PIK3R6: variants seen among roughly 807,000 people sequenced by gnomAD.
PIK3R6 encodes phosphoinositide-3-kinase regulatory subunit 6, also known as phosphoinositide 3-kinase regulatory subunit 6.
A neutral mutation model predicts 84.9 loss-of-function variants in PIK3R6; 91 were observed. That is an observed-to-expected ratio of 1.07 (90% CI 0.90 to 1.28). PIK3R6 has a LOEUF of 1.28. Ranked by LOEUF, PIK3R6 falls within the 50% of genes most tolerant of loss-of-function variation. The pLI, the probability that PIK3R6 is intolerant of heterozygous loss-of-function variation, is 0.00. For synonymous variants in PIK3R6, 416 were observed against 411.4 expected, an observed-to-expected ratio of 1.01 and a Z score of -0.13; for missense variants, 996 against 985.1, an observed-to-expected ratio of 1.01 and a Z score of -0.15.
At chr17:8,831,587 G>A (rs922552833) in intron 9 of PIK3R6, among the ~76,000 whole-genome samples, 3 of 152,088 alleles carry the variant, frequency 2.0e-5, no homozygotes, top group Admixed American at 6.6e-5. Flanking sequence ...GGACAACTTC[G>A]AAGATGGAGT....
chr17:8,822,120 G>A (rs1460360252), intron 16 of PIK3R6, among the ~76,000 whole-genome samples, 184 bp from the exon 17 acceptor site: 1 of 150,576 alleles, frequency 6.6e-6, no homozygotes, highest in Non-Finnish European at 1.5e-5. Flanking sequence ...GAACTCCTGG[G>A]CTCAAGTGAT....
In PIK3R6 at chr17:8,839,807, G is replaced by C; in HGVS notation, c.14-110C>G. 1 of 879,682 alleles carries C rather than the reference G, an allele frequency of 1.1e-6. No individual in the cohort carries two copies. Among genetic ancestry groups the C allele is most frequent in the Non-Finnish European group, 1.7e-6 (1 of 586,614 alleles). The allele number at this position is 879,682 out of a possible 1,614,324, so 54.5% of individuals were successfully genotyped here. A position where few individuals can be genotyped will look rare whatever the true frequency, so the allele number is the denominator to read the frequency against. ...GCCATTTCTCTGAGCCTCAGGAGGT[G>C]CCCGAAGTAATCGACTTAGAGCTGG... On this transcript the variant is annotated intron_variant, in intron 2 of 19. Coordinates refer to ENST00000619866, the MANE Select transcript of PIK3R6 (RefSeq NM_001010855.4). The surrounding 1 kb of genome is among the most constrained non-coding windows in gnomAD (Gnocchi z 4.2).
chr17:8,828,710 G>A lies in PIK3R6; in HGVS notation c.1170C>T (p.Pro390=). 1 of 1,610,328 alleles carries A rather than the reference G, an allele frequency of 6.2e-7. No homozygotes were observed. The highest frequency in any genetic ancestry group is 1.3e-5 in the African/African-American group (1 of 74,990). Reference sequence around the variant, plus strand: ...GGCCTGTCCTCCGGTGCAGCCCTGGGGGCCCGTCCCAGCTGCCAGGCATCA... The same window carrying A: ...GGCCTGTCCTCCGGTGCAGCCCTGGAGGCCCGTCCCAGCTGCCAGGCATCA... ...DFLMPGSWDG[P]PGLHRRTGRP... Residue 390 remains proline (P), a synonymous_variant, in exon 11 of 20, where the codon CCC becomes CCT. Coordinates refer to ENST00000619866, the MANE Select transcript of PIK3R6 (RefSeq NM_001010855.4).
chr17:8,828,542 C>T, intron 11 of PIK3R6, 25 bp downstream of exon 11: 13 of 1,606,624 alleles, frequency 8.1e-6, no homozygotes, highest in Non-Finnish European at 1.1e-5. Context: ...AGCGCCCACC[C>T]CCAGCCCCCA....
intron 18 of PIK3R6, among the ~76,000 whole-genome samples, chr17:8,813,016 AAGAG>A (rs568432754): frequency 2.0e-5 from 3 of 152,222 alleles, no homozygotes; most frequent in Non-Finnish European, 2.9e-5. Context: ...CCAAGAAAAA[AAGAG>A]AGAAGAATCA....
intron 18 of PIK3R6, among the ~76,000 whole-genome samples, chr17:8,814,770 A>G (rs934268485): frequency 6.6e-6 from 1 of 151,626 alleles, no homozygotes; most frequent in East Asian, 1.9e-4. Flanking sequence ...ATTGTATTAG[A>G]AAATATCTGA....
chr17:8,809,025 T>G (rs1370546272), intron 18 of PIK3R6, among the ~76,000 whole-genome samples: 1 of 152,138 alleles, frequency 6.6e-6, no homozygotes, highest in Admixed American at 6.5e-5. Context: ...ATTGGAGTAT[T>G]AACATATAAA....
At chr17:8,840,288 C>T (rs1296899148) in intron 2 of PIK3R6, among the ~76,000 whole-genome samples, 51 of 136,316 alleles carry the variant, frequency 3.7e-4, no homozygotes, top group African/African-American at 1.3e-3. Flanking sequence ...GAAATATATA[C>T]AGCCTACAAA....
rs2087107674 is a variant in PIK3R6, at chr17:8,803,584, A to G, written c.2109-155T>C. Reference sequence around the variant, plus strand: ...AGAAGAAAGAGGAAGAGTCAGGACAAGAAAGAAAAACCTGGGCCTGGGGTT... The same window carrying G: ...AGAAGAAAGAGGAAGAGTCAGGACAGGAAAGAAAAACCTGGGCCTGGGGTT... On this transcript the variant is annotated intron_variant, in intron 19 of 19. Coordinates refer to ENST00000619866, the MANE Select transcript of PIK3R6 (RefSeq NM_001010855.4). This position sits in a 1 kb window ranked among gnomAD's most constrained non-coding sequence, Gnocchi z 5.0. The G allele has an allele frequency of 5.2e-6, 4 of 766,946 alleles. No homozygotes were observed. In the Admixed American group the frequency reaches 9.9e-5, roughly 19 times the overall value. 47.5% of individuals were successfully genotyped at this position (766,946 alleles called of 1,614,324 possible). A position where few individuals can be genotyped will look rare whatever the true frequency, so the allele number is the denominator to read the frequency against.
intron 17 of PIK3R6, among the ~76,000 whole-genome samples, chr17:8,820,318 G>A (rs2087693922): frequency 6.6e-6 from 1 of 151,876 alleles, no homozygotes; most frequent in South Asian, 2.1e-4. Flanking sequence ...GGGAGAGTCT[G>A]TGAGAGAAAT....
chr17:8,803,634 C>T lies in PIK3R6; in HGVS notation c.2109-205G>A. The stretch of plus-strand genomic sequence containing the variant: ...TCACCGGGAGAGGAGACACTTGGAG[C>T]AAGTAACTCTGCGCATGCCTCCCTT... On this transcript the variant is annotated intron_variant, in intron 19 of 19. Coordinates refer to ENST00000619866, the MANE Select transcript of PIK3R6 (RefSeq NM_001010855.4). This position sits in a 1 kb window ranked among gnomAD's most constrained non-coding sequence, Gnocchi z 5.0. 3.5e-6 allele frequency: 2 copies of T among 579,356 alleles called. No individual in the cohort carries two copies. The highest frequency in any genetic ancestry group is 6.0e-6 in the Non-Finnish European group (2 of 333,480). The allele number at this position is 579,356 out of a possible 1,614,324, so 35.9% of individuals were successfully genotyped here.
intron 8 of PIK3R6, among the ~76,000 whole-genome samples, chr17:8,835,034 C>T (rs1328551174): frequency 1.3e-5 from 2 of 151,868 alleles, no homozygotes; most frequent in East Asian, 1.9e-4. Flanking sequence ...GACTGGATTT[C>T]GCCATGTTGG....
chr17:8,841,439 A>G (rs1448128863), intron 2 of PIK3R6, among the ~76,000 whole-genome samples: 1 of 152,202 alleles, frequency 6.6e-6, no homozygotes, highest in Non-Finnish European at 1.5e-5. Context: ...TCGATGTATA[A>G]GAATTTGACT....
intron 17 of PIK3R6, among the ~76,000 whole-genome samples, chr17:8,820,742 A>C (rs912891633): frequency 6.6e-6 from 1 of 152,218 alleles, no homozygotes; most frequent in Non-Finnish European, 1.5e-5. Context: ...GAAATTGTGA[A>C]GCTATGATGC....
At chr17:8,837,571 G>A (rs1043636548) in intron 5 of PIK3R6, among the ~76,000 whole-genome samples, 2 of 152,158 alleles carry the variant, frequency 1.3e-5, no homozygotes, top group Admixed American at 6.5e-5. Context: ...CTGCACACAG[G>A]AGCAAACCCA....
intron 1 of PIK3R6, among the ~76,000 whole-genome samples, chr17:8,852,874 G>A (rs369225811): frequency 2.6e-5 from 4 of 152,214 alleles, no homozygotes; most frequent in African/African-American, 9.6e-5. Context: ...TAGCCTTTCT[G>A]GGTGATTGCT....
chr17:8,839,991 T>G lies in PIK3R6; in HGVS notation c.14-294A>C, dbSNP rs2088617811. 6.6e-6 allele frequency among the ~76,000 whole-genome samples: 1 copy of G among 152,152 alleles called. No homozygotes were observed. Among genetic ancestry groups the G allele is most frequent in the South Asian group, 2.1e-4 (1 of 4,834 alleles). On this transcript the variant is annotated intron_variant, in intron 2 of 19. Coordinates refer to ENST00000619866, the MANE Select transcript of PIK3R6 (RefSeq NM_001010855.4). This position sits in a 1 kb window ranked among gnomAD's most constrained non-coding sequence, Gnocchi z 4.2. Reference sequence around the variant, plus strand: ...AACGACCTTAAAATCTGAATAGTTATGCATTTATTTTAATGCATGTTAGAA... The same window carrying G: ...AACGACCTTAAAATCTGAATAGTTAGGCATTTATTTTAATGCATGTTAGAA...
Position 8,803,978 on chromosome 17 carries a change from TG to T in PIK3R6, c.2108+62del. The T allele has an allele frequency of 7.2e-7, 1 of 1,392,046 alleles. No individual in the cohort carries two copies. Among genetic ancestry groups the T allele is most frequent in the South Asian group, 1.2e-5 (1 of 84,740 alleles). 86.2% of individuals were successfully genotyped at this position (1,392,046 alleles called of 1,614,324 possible). A position where few individuals can be genotyped will look rare whatever the true frequency, so the allele number is the denominator to read the frequency against. The stretch of plus-strand genomic sequence containing the variant: ...GCTAGAGGCAGGAGATGGCAGGAGC[TG>T]GCTCCTGCTTCAGTTTGTCCCACGG... On this transcript the variant is annotated intron_variant, in intron 19 of 19. Transcript: ENST00000619866. The surrounding 1 kb of genome is among the most constrained non-coding windows in gnomAD (Gnocchi z 5.0).
rs1431113166 is a variant in PIK3R6, at chr17:8,821,990, C to A, written c.1789-54G>T. 3.6e-6 allele frequency: 5 copies of A among 1,374,072 alleles called. No homozygotes were observed. In the African/African-American group the frequency reaches 4.3e-5, roughly 12 times the overall value. The allele number at this position is 1,374,072 out of a possible 1,614,324, so 85.1% of individuals were successfully genotyped here. ...AGGTGCTCAGGACATACCCTTTCCC[C>A]ATGCATCCCCACATCCACAGTCTTG... On this transcript the variant is annotated intron_variant, in intron 16 of 19. Transcript: ENST00000619866.
Sources: allele counts gnomAD v4.1 joint callset (sites outside exome capture counted in the v4.1 genomes callset), GRCh38; gene constraint gnomAD v4.1.1; non-coding constraint Gnocchi (gnomAD v3.1); transcripts MANE v1.5; gene names NCBI Gene and HGNC (gene_info 2026-07-23, HGNC 2026-07-21).